Variants in FRS2 observed in about 807,000 individuals in gnomAD.
The protein encoded by FRS2 is fibroblast growth factor receptor substrate 2.
Under a neutral mutation model 43.9 loss-of-function variants are expected in FRS2, and 8 were observed. The ratio of observed to expected loss-of-function variants is 0.18; its 90% CI spans 0.11 to 0.33. The LOEUF (loss-of-function observed/expected upper bound fraction) is 0.33, where lower values mean the gene tolerates loss of function less well. Among genes scored for constraint, FRS2 ranks in the 10% least tolerant of loss-of-function variants. FRS2 has a pLI of 1.00. For synonymous variants in FRS2, 219 were observed against 220.3 expected, an observed-to-expected ratio of 0.99 and a Z score of 0.05; for missense variants, 534 against 627.6, an observed-to-expected ratio of 0.85 and a Z score of 1.59.
chr12:69,479,460 C>T (rs1470361019), intron 1 of FRS2, among the ~76,000 whole-genome samples: 2 of 148,014 alleles, frequency 1.4e-5, no homozygotes, highest in African/African-American at 2.5e-5. Flanking sequence ...TGCAGTGGCG[C>T]GATCTCAGCT....
chr12:69,482,638 G>A (rs995162086), intron 1 of FRS2, among the ~76,000 whole-genome samples: 16 of 152,278 alleles, frequency 1.1e-4, no homozygotes, highest in African/African-American at 3.4e-4. Context: ...TATATCTTTT[G>A]TGTGTAGTAG....
chr12:69,574,232 G>T lies in FRS2; in HGVS notation c.804G>T (p.Leu268=), dbSNP rs754732025. ...VQKQLMEKEK[L]EQLGRDQVSG... ...AGCAGTTAATGGAAAAAGAGAAACTGGAGCAACTTGGAAGAGATCAAGTTA... is the reference window on the plus strand; with the variant it reads ...AGCAGTTAATGGAAAAAGAGAAACTTGAGCAACTTGGAAGAGATCAAGTTA... Residue 268 remains leucine (L), a synonymous_variant, in exon 9 of 9, where the codon CTG becomes CTT. Transcript: ENST00000549921. 3.7e-6 allele frequency: 6 copies of T among 1,614,140 alleles called. No homozygotes were observed. Among genetic ancestry groups the T allele is most frequent in the Non-Finnish European group, 5.1e-6 (6 of 1,179,976 alleles).
At chr12:69,541,824 CA>C (rs10605112) in intron 3 of FRS2, among the ~76,000 whole-genome samples, 1,494 of 90,772 alleles carry the variant, frequency 0.016, 8 homozygotes, top group African/African-American at 0.021. Context: ...GACCCTGTCT[CA>C]AAAAAAAAAA....
chr12:69,478,072 G>C (rs897178682), intron 1 of FRS2, among the ~76,000 whole-genome samples: 1 of 152,048 alleles, frequency 6.6e-6, no homozygotes, highest in African/African-American at 2.4e-5. Flanking sequence ...GTGTCTGATG[G>C]TTTTTGTTGG....
chr12:69,552,604 C>A (rs1878989236), intron 3 of FRS2, among the ~76,000 whole-genome samples: 1 of 152,052 alleles, frequency 6.6e-6, no homozygotes, highest in Non-Finnish European at 1.5e-5. Context: ...TTAAGTTAAT[C>A]CTAGGTATCT....
At chr12:69,496,055 T>TG (rs1425822325) in intron 1 of FRS2, among the ~76,000 whole-genome samples, 5 of 152,244 alleles carry the variant, frequency 3.3e-5, no homozygotes, top group African/African-American at 1.2e-4. Context: ...ACGATAATAC[T>TG]AATTTTTTTC....
chr12:69,499,449 A>T (rs1387424170), intron 1 of FRS2, among the ~76,000 whole-genome samples: 1 of 152,130 alleles, frequency 6.6e-6, no homozygotes, highest in African/African-American at 2.4e-5. Flanking sequence ...CATTTCTACC[A>T]TGTACCATGT....
At chr12:69,536,657 G>A (rs1025443016) in intron 3 of FRS2, among the ~76,000 whole-genome samples, 4 of 150,104 alleles carry the variant, frequency 2.7e-5, no homozygotes, top group Admixed American at 6.7e-5. Context: ...CTTTAGCCTC[G>A]ATCTGCTGGA....
intron 3 of FRS2, among the ~76,000 whole-genome samples, chr12:69,561,250 A>G (rs1173297776): frequency 1.3e-5 from 2 of 152,232 alleles, no homozygotes; most frequent in Admixed American, 6.5e-5. Context: ...AGCATCTCAC[A>G]AGGAGTGTAA....
chr12:69,529,724 A>C (rs1876605614), intron 1 of FRS2, among the ~76,000 whole-genome samples: 1 of 152,170 alleles, frequency 6.6e-6, no homozygotes, highest in South Asian at 2.1e-4. Flanking sequence ...GTAAATCCTT[A>C]TGAACACTTA....
intron 1 of FRS2, chr12:69,480,235 T>A (rs764847711): frequency 1.3e-5 from 2 of 152,220 alleles, no homozygotes; most frequent in Non-Finnish European, 2.9e-5. Flanking sequence ...CAGAACTTTT[T>A]CATCATCGTG....
intron 3 of FRS2, among the ~76,000 whole-genome samples, chr12:69,548,704 G>A (rs142356855): frequency 6.6e-6 from 1 of 152,326 alleles, no homozygotes; most frequent in East Asian, 1.9e-4. Context: ...GGCAGGTTAA[G>A]GGAAATCAGC....
chr12:69,499,364 G>T (rs1007309539), intron 1 of FRS2, among the ~76,000 whole-genome samples: 3 of 152,098 alleles, frequency 2.0e-5, no homozygotes, highest in Non-Finnish European at 4.4e-5. Context: ...TTTTTGGAAT[G>T]TATTTTTTTC....
intron 3 of FRS2, among the ~76,000 whole-genome samples, chr12:69,557,619 T>TGTGTGCGCGCGTGC (rs1555192498): frequency 1.5e-4 from 18 of 119,026 alleles, no homozygotes; most frequent in African/African-American, 5.1e-4. Context: ...TGTGTGTGTG[T>TGTGTGCGCGCGTGC]GCGCGCGCGC....
Position 69,537,085 on chromosome 12 carries a change from A to G in FRS2, c.-122+5029A>G, listed in dbSNP as rs536926936. 9.9e-5 allele frequency among the ~76,000 whole-genome samples: 15 copies of G among 152,268 alleles called. No homozygotes were observed. In the South Asian group the frequency reaches 1.7e-3, roughly 17 times the overall value. ...TATTTTAACATGCTTTTCTTAGGAA[A>G]GTCCAATTAATCAGTATCTTTAACC... On this transcript the variant is annotated intron_variant, in intron 3 of 8. Coordinates refer to ENST00000549921, the MANE Select transcript of FRS2 (RefSeq NM_001278356.2).
At chr12:69,523,222 T>C (rs1015519408) in intron 1 of FRS2, among the ~76,000 whole-genome samples, 2 of 152,226 alleles carry the variant, frequency 1.3e-5, no homozygotes, top group Non-Finnish European at 2.9e-5. Flanking sequence ...CTAAGTCTCT[T>C]TGAAGATCTC....
At chr12:69,573,717 T>C (rs1193814668) in intron 8 of FRS2, among the ~76,000 whole-genome samples, 2 of 152,198 alleles carry the variant, frequency 1.3e-5, no homozygotes, top group African/African-American at 4.8e-5. Context: ...CCCGCTTCAG[T>C]GTCCCAGAGT....
intron 1 of FRS2, among the ~76,000 whole-genome samples, chr12:69,470,824 A>G (rs1870207036): frequency 6.6e-6 from 1 of 152,034 alleles, no homozygotes; most frequent in Admixed American, 6.5e-5. Flanking sequence ...GACCCCCCTC[A>G]TGTGTGCTGC....
At chr12:69,516,695 C>T (rs1336820996) in intron 1 of FRS2, among the ~76,000 whole-genome samples, 2 of 152,182 alleles carry the variant, frequency 1.3e-5, no homozygotes, top group African/African-American at 4.8e-5. Context: ...TTGTCCTTAT[C>T]TCCATCTGAT....
Sources: allele counts gnomAD v4.1 joint callset (sites outside exome capture counted in the v4.1 genomes callset), GRCh38; gene constraint gnomAD v4.1.1; transcripts MANE v1.5; gene names NCBI Gene and HGNC (gene_info 2026-07-23, HGNC 2026-07-21).